The following WDR41 variants were observed in gnomAD, a reference collection of about 807,000 sequenced individuals.
WDR41 encodes WD repeat-containing protein 41.
WDR41 carries 63 observed loss-of-function variants against 69.3 expected under a neutral mutation model. The observed-to-expected ratio is 0.91, with a 90% CI of 0.74 to 1.12. The LOEUF is 1.12. Among genes scored for constraint, WDR41 ranks in the 50% most tolerant of loss-of-function variants. WDR41 has a pLI of 0.00. For synonymous variants in WDR41, 185 were observed against 192.1 expected (o/e 0.96, Z 0.31); for missense variants, 543 against 534.5 (o/e 1.02, Z -0.16).
At chr5:77,470,281 C>T (rs1336642233) in intron 2 of WDR41, among the ~76,000 whole-genome samples, 1 of 152,100 alleles carries the variant, frequency 6.6e-6, no homozygotes, top group East Asian at 1.9e-4. Flanking sequence ...GAAGGAAGCA[C>T]TAAACATGGA....
chr5:77,475,552 A>C (rs1164947956), intron 2 of WDR41, among the ~76,000 whole-genome samples: 2 of 152,140 alleles, frequency 1.3e-5, no homozygotes, highest in Admixed American at 1.3e-4. Flanking sequence ...CACCCCCCAG[A>C]AGGGAGAGAC....
chr5:77,574,442 G>C (rs977070923), intron 1 of WDR41, among the ~76,000 whole-genome samples: 1 of 152,174 alleles, frequency 6.6e-6, no homozygotes, highest in Non-Finnish European at 1.5e-5. Context: ...AGTCAAGAGG[G>C]AGGAGGTCAG....
chr5:77,481,784 C>CAAAAAAAAAA (rs61463461), intron 2 of WDR41, among the ~76,000 whole-genome samples: 1 of 87,396 alleles, frequency 1.1e-5, no homozygotes, highest in African/African-American at 4.3e-5. Flanking sequence ...GACTCCGTCT[C>CAAAAAAAAAA]AAAAAAAAAA....
chr5:77,522,742 G>A (rs901338458), intron 1 of WDR41, among the ~76,000 whole-genome samples: 2 of 152,042 alleles, frequency 1.3e-5, no homozygotes, highest in Non-Finnish European at 2.9e-5. Context: ...GTTCTCCAAA[G>A]GGGGCAACTA....
chr5:77,523,283 C>T (rs1802399981), intron 1 of WDR41, among the ~76,000 whole-genome samples: 1 of 150,778 alleles, frequency 6.6e-6, no homozygotes, highest in African/African-American at 2.4e-5. Flanking sequence ...CACTGCACTC[C>T]AGCCAGAGCC....
chr5:77,433,900 G>A (rs1473269715), intron 12 of WDR41, among the ~76,000 whole-genome samples: 1 of 152,246 alleles, frequency 6.6e-6, no homozygotes, highest in East Asian at 1.9e-4. Context: ...CTTGCCCAGT[G>A]AAGGAATAGG....
chr5:77,498,111 ATT>A (rs1276748248), intron 1 of WDR41, among the ~76,000 whole-genome samples: 1 of 152,188 alleles, frequency 6.6e-6, no homozygotes, highest in Non-Finnish European at 1.5e-5. Context: ...GGGAGTTATT[ATT>A]GAATGAGTAC....
intron 1 of WDR41, among the ~76,000 whole-genome samples, chr5:77,612,062 G>A (rs1744565044): frequency 6.6e-6 from 1 of 152,050 alleles, no homozygotes; most frequent in Non-Finnish European, 1.5e-5. Context: ...TAAATTCCTC[G>A]ACATATACAC....
intron 1 of WDR41, among the ~76,000 whole-genome samples, chr5:77,598,980 T>C (rs1427910464): frequency 1.3e-5 from 2 of 152,066 alleles, no homozygotes; most frequent in African/African-American, 4.8e-5. Flanking sequence ...AAACTTGAAG[T>C]CTTTAGACCT....
rs887391346 is a variant in WDR41 at position 77,464,804 on chromosome 5, G to T, written c.173C>A (p.Ala58Glu). The T allele has an allele frequency of 5.6e-6, 9 of 1,610,400 alleles. No homozygotes were observed. In the Admixed American group the frequency reaches 6.7e-5, roughly 12 times the overall value. ...TACAATTCCATCATCACCAGCAGAT[G>T]CAAATCTGGTTAGGGAGAAAGGGTC... ...FLVQLDDYRF[A>E]SAGDDGIVVV... The change falls in exon 3 of 13, where the codon GCA (alanine) becomes GAA (glutamate). Residue 58 changes from alanine to glutamate, a missense_variant. Coordinates refer to ENST00000296679, the MANE Select transcript of WDR41 (RefSeq NM_018268.4).
chr5:77,526,482 T>C (rs1254676410), intron 1 of WDR41, among the ~76,000 whole-genome samples: 1 of 152,190 alleles, frequency 6.6e-6, no homozygotes, highest in Non-Finnish European at 1.5e-5. Context: ...GTATTCTATA[T>C]TTGGATTCAG....
At chr5:77,456,565 T>C (rs527400545) in intron 5 of WDR41, among the ~76,000 whole-genome samples, 1 of 152,352 alleles carries the variant, frequency 6.6e-6, no homozygotes, top group Admixed American at 6.5e-5. Context: ...TGGATGTCAT[T>C]TATCTTTTTT....
At chr5:77,448,562 G>A (rs952878625) in intron 8 of WDR41, among the ~76,000 whole-genome samples, 5 of 151,930 alleles carry the variant, frequency 3.3e-5, no homozygotes, top group East Asian at 1.9e-4. Flanking sequence ...TCACATTCAC[G>A]CAAAATACTG....
intron 1 of WDR41, among the ~76,000 whole-genome samples, chr5:77,583,635 T>C (rs1743983610): frequency 6.6e-6 from 1 of 151,952 alleles, no homozygotes; most frequent in Non-Finnish European, 1.5e-5. Context: ...TTTAAAAAAC[T>C]ACCAACAGTG....
rs1561736627 is a variant in WDR41, at chr5:77,451,302, C to A, written c.575G>T (p.Gly192Val). 1.2e-6 allele frequency: 2 copies of A among 1,613,670 alleles called. No homozygotes were observed. Among genetic ancestry groups the A allele is most frequent in the Admixed American group, 3.3e-5 (2 of 60,006 alleles). Residue 192 changes from glycine to valine, a missense_variant, in exon 7 of 13, where the codon GGC (glycine) becomes GTC (valine). Coordinates refer to ENST00000296679, the MANE Select transcript of WDR41 (RefSeq NM_018268.4). ...AAATTCATACTCACTCAGTTCTTTG[C>A]CAACTGCTGCCACAACACAGTTCTT... is the stretch of plus-strand genomic sequence containing the variant. ...IPKNCVVAAV[G>V]KELIIFRLVA...
intron 1 of WDR41, among the ~76,000 whole-genome samples, chr5:77,595,098 A>G (rs1322426032): frequency 3.9e-5 from 6 of 152,212 alleles, no homozygotes; most frequent in Non-Finnish European, 7.3e-5. Flanking sequence ...GAAAAGTAAA[A>G]TTCAGATGAG....
chr5:77,603,847 A>G (rs754617630), intron 1 of WDR41, among the ~76,000 whole-genome samples: 3 of 152,096 alleles, frequency 2.0e-5, no homozygotes, highest in Non-Finnish European at 2.9e-5. Context: ...TCCCCAGTGC[A>G]TGTTTCTGGC....
chr5:77,542,030 T>C (rs1743097357), intron 1 of WDR41, among the ~76,000 whole-genome samples: 1 of 152,040 alleles, frequency 6.6e-6, no homozygotes, highest in South Asian at 2.1e-4. Flanking sequence ...TAAATCCCCA[T>C]CAATGATAGG....
At chr5:77,548,933 C>G (rs548322440) in intron 1 of WDR41, among the ~76,000 whole-genome samples, 3 of 152,056 alleles carry the variant, frequency 2.0e-5, no homozygotes, top group Admixed American at 6.6e-5. Context: ...TGTATATATA[C>G]GATGGAATAC....
Sources: allele counts gnomAD v4.1 joint callset (sites outside exome capture counted in the v4.1 genomes callset), GRCh38; gene constraint gnomAD v4.1.1; transcripts MANE v1.5; gene names NCBI Gene and HGNC (gene_info 2026-07-23, HGNC 2026-07-21).